SELENOT: variants seen among roughly 807,000 people sequenced by gnomAD.
The protein encoded by SELENOT is thioredoxin reductase-like selenoprotein T.
SELENOT carries 9 observed loss-of-function variants against 24.3 expected under a neutral mutation model. That is an observed-to-expected ratio of 0.37 (90% CI 0.22 to 0.65). SELENOT has a LOEUF of 0.65. Ranked by LOEUF, SELENOT falls within the 30% of genes least tolerant of loss-of-function variation. The pLI, the probability that SELENOT is intolerant of heterozygous loss-of-function variation, is 0.60. For synonymous variants in SELENOT, 81 were observed against 86.0 expected (o/e 0.94, Z 0.32); for missense variants, 166 against 247.6 (o/e 0.67, Z 2.21).
At position 150,629,711 on chromosome 3, in the gene SELENOT, T is replaced by C. The variant is rs1726516055; in HGVS notation, c.*2082T>C. The C allele has an allele frequency of 6.6e-6, 1 of 152,662 alleles. No homozygotes were observed. Among genetic ancestry groups the C allele is most frequent in the Non-Finnish European group, 1.5e-5 (1 of 68,042 alleles). 9.5% of individuals were successfully genotyped at this position (152,662 alleles called of 1,614,324 possible). ...TTCAGCTGTGTTGTTGACGCTCATC[T>C]CTTTTGTCTTACGCTTAGCCATATT... is the stretch of plus-strand genomic sequence containing the variant. On this transcript the variant is annotated 3_prime_UTR_variant, in exon 6 of 6. Coordinates refer to ENST00000471696, the MANE Select transcript of SELENOT (RefSeq NM_016275.5).
intron 1 of SELENOT, chr3:150,618,701 T>C (rs1349173729): frequency 6.5e-6 from 1 of 154,022 alleles, no homozygotes; most frequent in African/African-American, 2.4e-5. Context: ...TTTTCTTTTT[T>C]TTTGTAGAGA....
chr3:150,616,966 A>C (rs1243755543), intron 1 of SELENOT, among the ~76,000 whole-genome samples: 1 of 151,964 alleles, frequency 6.6e-6, no homozygotes, highest in Admixed American at 6.6e-5. Context: ...GGTTTTACAC[A>C]GGTGAATACT....
rs1726507619 is a variant in SELENOT, at chr3:150,629,233, T to C, written c.*1604T>C. On this transcript the variant is annotated 3_prime_UTR_variant, in exon 6 of 6. Coordinates refer to ENST00000471696, the MANE Select transcript of SELENOT (RefSeq NM_016275.5). ...TCCAGATGCTAGGAAGTTAGTCTAA[T>C]AATTCACTGCAGAAAATTGATTAAG... The C allele has an allele frequency of 6.6e-6, 1 of 152,340 alleles. No homozygotes were observed. Among genetic ancestry groups the C allele is most frequent in the Non-Finnish European group, 1.5e-5 (1 of 68,048 alleles). The allele number at this position is 152,340 out of a possible 1,614,324, so 9.4% of individuals were successfully genotyped here.
chr3:150,615,086 A>G (rs1274717334), intron 1 of SELENOT, among the ~76,000 whole-genome samples: 3 of 137,710 alleles, frequency 2.2e-5, no homozygotes, highest in African/African-American at 5.4e-5. Flanking sequence ...TCATTGTTCA[A>G]TTCCCACCTA....
Position 150,603,322 on chromosome 3 carries a change from C to T in SELENOT, c.-41C>T, listed in dbSNP as rs779166236. The T allele has an allele frequency of 8.8e-6, 14 of 1,591,292 alleles. No individual in the cohort carries two copies. In the East Asian group the frequency reaches 1.8e-4, roughly 21 times the overall value. Reference sequence around the variant, plus strand: ...TCGCTCCTGGGCTTTGGGCTGGCTGCAGTCTGTCTGAGGGCGGCCGAAGTG... The same window carrying T: ...TCGCTCCTGGGCTTTGGGCTGGCTGTAGTCTGTCTGAGGGCGGCCGAAGTG... On this transcript the variant is annotated 5_prime_UTR_variant, in exon 1 of 6. Coordinates refer to ENST00000471696, the MANE Select transcript of SELENOT (RefSeq NM_016275.5).
chr3:150,607,293 C>T (rs1038952669), intron 1 of SELENOT, among the ~76,000 whole-genome samples: 16 of 152,214 alleles, frequency 1.1e-4, no homozygotes, highest in Middle Eastern at 3.2e-3. Context: ...TACAACTATT[C>T]AGCCTTGGCT....
At chr3:150,608,452 ATTG>A (rs1288627076) in intron 1 of SELENOT, among the ~76,000 whole-genome samples, 1 of 151,996 alleles carries the variant, frequency 6.6e-6, no homozygotes, top group Non-Finnish European at 1.5e-5. Context: ...TTTGTTTGTT[ATTG>A]TTTTTTTAAT....
intron 4 of SELENOT, among the ~76,000 whole-genome samples, chr3:150,626,051 A>G (rs1427915152): frequency 6.6e-6 from 1 of 152,028 alleles, no homozygotes. Flanking sequence ...TTGTATTTTT[A>G]GTAGAGACAG....
intron 1 of SELENOT, among the ~76,000 whole-genome samples, chr3:150,615,748 A>C (rs1472924316): frequency 2.7e-3 from 404 of 151,408 alleles, no homozygotes; most frequent in Non-Finnish European, 4.1e-3. Flanking sequence ...TAGGAAGAAT[A>C]AATATCGTGA....
chr3:150,611,927 G>T, intron 1 of SELENOT: 2 of 930,538 alleles, frequency 2.1e-6, no homozygotes, highest in Non-Finnish European at 3.2e-6. Flanking sequence ...CACTCTCCTG[G>T]CCGCTCCGTC....
Position 150,628,841 on chromosome 3 carries a change from G to A in SELENOT, c.*1212G>A, listed in dbSNP as rs543776810. ...CTTCAGCTTCCATATAGGAATAGAA[G>A]TGGTAGAGCCAAAAGTGATTTAGGA... is the stretch of plus-strand genomic sequence containing the variant. On this transcript the variant is annotated 3_prime_UTR_variant, in exon 6 of 6. Coordinates refer to ENST00000471696, the MANE Select transcript of SELENOT (RefSeq NM_016275.5). 6.6e-6 allele frequency: 1 copy of A among 152,288 alleles called. No individual in the cohort carries two copies. Among genetic ancestry groups the A allele is most frequent in the African/African-American group, 2.4e-5 (1 of 41,568 alleles). The allele number at this position is 152,288 out of a possible 1,614,324, so 9.4% of individuals were successfully genotyped here. A position where few individuals can be genotyped will look rare whatever the true frequency, so the allele number is the denominator to read the frequency against.
At chr3:150,611,842 G>A in intron 1 of SELENOT, 2 of 933,886 alleles carry the variant, frequency 2.1e-6, no homozygotes, top group Admixed American at 2.8e-5. Flanking sequence ...CACTGCGGCT[G>A]CCGCCTCCCC....
intron 1 of SELENOT, among the ~76,000 whole-genome samples, chr3:150,621,614 C>CTTTTTTTTTTTT (rs35489270): frequency 1.2e-5 from 1 of 80,578 alleles, no homozygotes; most frequent in Non-Finnish European, 2.2e-5. Flanking sequence ...GGCATATTTC[C>CTTTTTTTTTTTT]TTTTTTTTTT....
chr3:150,624,750 A>G (rs985728647), intron 3 of SELENOT, 62 bp from the exon 4 acceptor site: 2 of 1,047,312 alleles, frequency 1.9e-6, no homozygotes, highest in African/African-American at 3.3e-5. Context: ...TTTAAAGTAG[A>G]TTAAAAAGAG....
Position 150,613,981 on chromosome 3 carries a change from TC to T in SELENOT, c.138-8403del, listed in dbSNP as rs147406859. 3.0e-3 allele frequency among the ~76,000 whole-genome samples: 459 copies of T among 152,162 alleles called. 2 individuals carry two copies. Among genetic ancestry groups the T allele is most frequent in the Middle Eastern group, 0.02 (6 of 294 alleles). On this transcript the variant is annotated intron_variant, in intron 1 of 5. Transcript: ENST00000471696. ...AAAGCACATGCAGGAGAAAGCACAT[TC>T]ATCAAGAGACAGTACATTTTAGGTT...
At chr3:150,626,019 G>A (rs1726434861) in intron 4 of SELENOT, among the ~76,000 whole-genome samples, 1 of 152,018 alleles carries the variant, frequency 6.6e-6, no homozygotes. Context: ...ACAGGCGCCT[G>A]CCACCACGCC....
intron 4 of SELENOT, among the ~76,000 whole-genome samples, chr3:150,625,906 G>T (rs1185099550): frequency 6.9e-6 from 1 of 145,080 alleles, no homozygotes; most frequent in Non-Finnish European, 1.5e-5. Context: ...GTCTCGCTGT[G>T]TCGCCCAGGC....
chr3:150,607,920 C>T (rs945620426), intron 1 of SELENOT, among the ~76,000 whole-genome samples: 5 of 152,084 alleles, frequency 3.3e-5, no homozygotes, highest in East Asian at 3.9e-4. Flanking sequence ...GATGGGAAAC[C>T]ATTTAGGGCG....
At chr3:150,606,133 T>A (rs1725956478) in intron 1 of SELENOT, among the ~76,000 whole-genome samples, 1 of 149,970 alleles carries the variant, frequency 6.7e-6, no homozygotes, top group Non-Finnish European at 1.5e-5. Flanking sequence ...TCGTTTTTTT[T>A]TTTCCTTTCT....
Sources: allele counts gnomAD v4.1 joint callset (sites outside exome capture counted in the v4.1 genomes callset), GRCh38; gene constraint gnomAD v4.1.1; transcripts MANE v1.5; gene names NCBI Gene and HGNC (gene_info 2026-07-23, HGNC 2026-07-21).